Variants in RNF216 observed in about 807,000 individuals in gnomAD.
RNF216 encodes ring finger protein 216.
A neutral mutation model predicts 110.8 loss-of-function variants in RNF216; 72 were observed. That is an observed-to-expected ratio of 0.65 (90% CI 0.54 to 0.79). The LOEUF (loss-of-function observed/expected upper bound fraction) is 0.79. Ranked by LOEUF, RNF216 falls within the 30% of genes least tolerant of loss-of-function variation. RNF216 has a pLI of 0.00. For synonymous variants in RNF216, 495 were observed against 407.5 expected (o/e 1.21, Z -2.59); for missense variants, 1,342 against 1,141.2 (o/e 1.18, Z -2.54).
chr7:5,710,104 AAT>A (rs1293335235), intron 13 of RNF216, among the ~76,000 whole-genome samples: 1 of 152,224 alleles, frequency 6.6e-6, no homozygotes, highest in Non-Finnish European at 1.5e-5. Context: ...TTACACCTGT[AAT>A]ACCAGCACTT....
intron 5 of RNF216, among the ~76,000 whole-genome samples, chr7:5,736,438 C>T (rs935144594): frequency 6.6e-6 from 1 of 152,188 alleles, no homozygotes; most frequent in African/African-American, 2.4e-5. Flanking sequence ...GTTGCCCAGG[C>T]TGCAGTGCAG....
intron 5 of RNF216, among the ~76,000 whole-genome samples, chr7:5,732,202 T>A (rs184984462): frequency 6.6e-6 from 1 of 152,210 alleles, no homozygotes; most frequent in African/African-American, 2.4e-5. Context: ...ATCCTAGAAT[T>A]CACTGGTGTG....
intron 1 of RNF216, among the ~76,000 whole-genome samples, chr7:5,762,685 C>CT (rs1795996162): frequency 6.6e-6 from 1 of 151,628 alleles, no homozygotes; most frequent in South Asian, 2.1e-4. Flanking sequence ...GAGCGAGACT[C>CT]TGTCTCGAAA....
At chr7:5,648,291 A>G (rs1271202683) in intron 14 of RNF216, among the ~76,000 whole-genome samples, 2 of 151,700 alleles carry the variant, frequency 1.3e-5, no homozygotes, top group African/African-American at 2.4e-5. Context: ...TTTTTAGTAG[A>G]GACAGAGGTT....
In RNF216 at chr7:5,718,278, G is replaced by A. The variant is rs1174996260; in HGVS notation, c.1645-1512C>T. ...CACCTGTAATCCCAGCTACTAAGGT[G>A]GCTGAGGCAGGAGAAGCCCTTGAAC... On this transcript the variant is annotated intron_variant, in intron 9 of 16. Coordinates refer to ENST00000389902, the MANE Select transcript of RNF216 (RefSeq NM_207111.4). Among the ~76,000 whole-genome samples, 10 of 152,200 alleles carry A rather than the reference G, an allele frequency of 6.6e-5. No homozygotes were observed. In the East Asian group the frequency reaches 1.4e-3, roughly 21 times the overall value.
At chr7:5,627,318 G>A (rs1229506325) in intron 15 of RNF216, among the ~76,000 whole-genome samples, 1 of 152,216 alleles carries the variant, frequency 6.6e-6, no homozygotes, top group Non-Finnish European at 1.5e-5. Flanking sequence ...AGTCAGGACC[G>A]TGCTGGACGC....
chr7:5,676,554 T>C (rs919245263), intron 13 of RNF216, among the ~76,000 whole-genome samples: 4 of 151,914 alleles, frequency 2.6e-5, no homozygotes, highest in Non-Finnish European at 5.9e-5. Flanking sequence ...GTCCGTCCTG[T>C]CTGCCTGGCT....
chr7:5,664,630 G>A (rs1789384657), intron 13 of RNF216, among the ~76,000 whole-genome samples: 1 of 152,112 alleles, frequency 6.6e-6, no homozygotes, highest in African/African-American at 2.4e-5. Context: ...TTCTGCCTGT[G>A]TCCCAGCCTG....
intron 13 of RNF216, among the ~76,000 whole-genome samples, chr7:5,684,094 C>CT (rs10608511): frequency 0.07 from 4,310 of 61,848 alleles, 566 homozygotes; most frequent in Admixed American, 0.14. Flanking sequence ...GCTGGGCCTT[C>CT]TTTTTTTTTT....
chr7:5,761,973 C>T (rs1322482099), intron 1 of RNF216, among the ~76,000 whole-genome samples: 1 of 152,084 alleles, frequency 6.6e-6, no homozygotes, highest in East Asian at 1.9e-4. Flanking sequence ...AATTCCACTT[C>T]CAGGTATATC....
intron 15 of RNF216, among the ~76,000 whole-genome samples, chr7:5,629,156 C>A (rs1462229905): frequency 6.7e-6 from 1 of 148,750 alleles, no homozygotes; most frequent in Non-Finnish European, 1.5e-5. Flanking sequence ...GATGGCGCCA[C>A]TGCACTCCAG....
At chr7:5,707,087 A>G (rs965378274) in intron 13 of RNF216, among the ~76,000 whole-genome samples, 2 of 152,190 alleles carry the variant, frequency 1.3e-5, no homozygotes, top group Non-Finnish European at 2.9e-5. Flanking sequence ...GCTGATCATA[A>G]ATGTGTGGAT....
intron 10 of RNF216, 98 bp from the exon 11 acceptor site, chr7:5,715,288 T>C (rs1263635310): frequency 3.1e-6 from 4 of 1,300,606 alleles, no homozygotes; most frequent in East Asian, 2.3e-5. Context: ...CCCACACAAA[T>C]TCTGAGGTAA....
chr7:5,634,216 G>C (rs1338063267), intron 15 of RNF216, among the ~76,000 whole-genome samples: 1 of 152,100 alleles, frequency 6.6e-6, no homozygotes, highest in African/African-American at 2.4e-5. Context: ...GGGGAAGAAC[G>C]GGTGGCTTTT....
chr7:5,711,902 C>T, intron 12 of RNF216, 63 bp from the exon 13 acceptor site: 1 of 1,425,976 alleles, frequency 7.0e-7, no homozygotes, highest in Non-Finnish European at 9.8e-7. Flanking sequence ...GGTTCCAGCT[C>T]CATGTGGCTG....
At chr7:5,667,072 C>G (rs2128591228) in intron 13 of RNF216, among the ~76,000 whole-genome samples, 1 of 152,286 alleles carries the variant, frequency 6.6e-6, no homozygotes, top group East Asian at 1.9e-4. Flanking sequence ...CTCCCATATG[C>G]TGGGATTACA....
chr7:5,627,666 G>A (rs1204662514), intron 15 of RNF216, among the ~76,000 whole-genome samples: 3 of 151,910 alleles, frequency 2.0e-5, no homozygotes, highest in African/African-American at 7.3e-5. Context: ...AGAATGGCTT[G>A]AACCTGGGAG....
chr7:5,692,757 T>C (rs1202396712), intron 13 of RNF216, among the ~76,000 whole-genome samples: 1 of 152,210 alleles, frequency 6.6e-6, no homozygotes, highest in Non-Finnish European at 1.5e-5. Context: ...ATTTTAATAA[T>C]CACATTTCTA....
In RNF216 at chr7:5,748,611, TACACACACACACAC is replaced by T. The variant is rs10588945; in HGVS notation, c.201+4221_201+4234del. Among the ~76,000 whole-genome samples the T allele has an allele frequency of 5.1e-3, 729 of 143,162 alleles. 2 individuals carry two copies. The highest frequency in any genetic ancestry group is 0.012 in the African/African-American group (463 of 38,772). The allele number at this position is 143,162 out of a possible 152,430, so 93.9% of individuals were successfully genotyped here. A position where few individuals can be genotyped will look rare whatever the true frequency, so the allele number is the denominator to read the frequency against. On this transcript the variant is annotated intron_variant, in intron 3 of 16. Transcript: ENST00000389902. Reference sequence around the variant, plus strand: ...GAATGCAGTATATTTTTTATATACATACACACACACACACACACACACACACACACACACACACA... The same window carrying T: ...GAATGCAGTATATTTTTTATATACATACACACACACACACACACACACACA...
Sources: gnomAD v4.1 joint callset for allele counts (sites outside exome capture counted in the v4.1 genomes callset) on GRCh38, gnomAD v4.1.1 for gene constraint, MANE v1.5 for transcripts, NCBI Gene and HGNC (gene_info 2026-07-23, HGNC 2026-07-21) for gene names.